CFAP99: variants seen among roughly 807,000 people sequenced by gnomAD.
CFAP99 encodes the protein cilia- and flagella-associated protein 99.
A neutral mutation model predicts 82.7 loss-of-function variants in CFAP99; 84 were observed. That is an observed-to-expected ratio of 1.02 (90% CI 0.85 to 1.22). The LOEUF (loss-of-function observed/expected upper bound fraction) is 1.22, where lower values mean the gene tolerates loss of function less well. CFAP99 is among the 50% of genes most tolerant of loss of function. CFAP99 has a pLI of 0.00. For missense variants in CFAP99, 1,059 were observed against 983.5 expected (o/e 1.08, Z -1.03); for synonymous variants, 456 against 429.5 (o/e 1.06, Z -0.76).
intron 11 of CFAP99, among the ~76,000 whole-genome samples, chr4:2,454,581 CTTTTTT>C (rs200727697): frequency 1.1e-5 from 1 of 94,722 alleles, no homozygotes; most frequent in African/African-American, 4.2e-5. Context: ...TGTTTTTTTT[CTTTTTT>C]TTTTTTGTTT....
At chr4:2,436,486 G>C (rs180932026) in intron 2 of CFAP99, among the ~76,000 whole-genome samples, 19 of 152,306 alleles carry the variant, frequency 1.2e-4, no homozygotes, top group African/African-American at 4.6e-4. Context: ...ATCTGCAGAA[G>C]CTTTTCATCC....
At chr4:2,422,088 A>G (rs546099730) in intron 1 of CFAP99, among the ~76,000 whole-genome samples, 13 of 152,350 alleles carry the variant, frequency 8.5e-5, no homozygotes, top group Admixed American at 5.2e-4. Flanking sequence ...GCATGAATGT[A>G]GCTGAGATGC....
chr4:2,451,497 G>A (rs2857933), intron 10 of CFAP99, 145 bp downstream of exon 10: 74,475 of 683,038 alleles, frequency 0.11, 4,568 homozygotes, highest in Middle Eastern at 0.2. Flanking sequence ...CAACAGGGGC[G>A]ACAAGCAGGA....
intron 5 of CFAP99, among the ~76,000 whole-genome samples, chr4:2,444,590 C>T (rs1734121745): frequency 1.3e-5 from 2 of 152,078 alleles, no homozygotes; most frequent in African/African-American, 4.8e-5. Flanking sequence ...ACTCGGGCGG[C>T]CTGGCAAGGC....
intron 12 of CFAP99, 42 bp from the exon 13 acceptor site, chr4:2,459,065 T>C: frequency 6.8e-7 from 1 of 1,476,696 alleles, no homozygotes; most frequent in Non-Finnish European, 9.0e-7. Flanking sequence ...GCCCCTGCCC[T>C]GCCACCCACC....
At chr4:2,452,599 C>T (rs890861887) in intron 11 of CFAP99, among the ~76,000 whole-genome samples, 4 of 152,168 alleles carry the variant, frequency 2.6e-5, no homozygotes, top group Admixed American at 6.5e-5. Context: ...CGGGGAGCCT[C>T]AGCCCCAGGA....
In CFAP99 at chr4:2,462,935, G is replaced by A. The variant is rs535339364; in HGVS notation, c.*9G>A. The A allele has an allele frequency of 7.8e-6, 10 of 1,277,314 alleles. No individual in the cohort carries two copies. The South Asian group carries it at 1.3e-4, about 16-fold the overall frequency. The allele number at this position is 1,277,314 out of a possible 1,614,324, so 79.1% of individuals were successfully genotyped here. ...GCCTGGAGGCCGCCTGAGCCGGGCC[G>A]AGCGCGCCCCACCCGCTTGCGGGCC... On this transcript the variant is annotated 3_prime_UTR_variant, in exon 15 of 15. Coordinates refer to ENST00000635017, the Ensembl canonical transcript of CFAP99. The surrounding 1 kb of genome is among the most constrained non-coding windows in gnomAD (Gnocchi z 4.1).
chr4:2,429,811 T>A (rs1341681226), intron 2 of CFAP99, among the ~76,000 whole-genome samples: 3 of 152,288 alleles, frequency 2.0e-5, no homozygotes, highest in African/African-American at 7.2e-5. Context: ...CAGAATGGTC[T>A]TGATCTCCTG....
intron 4 of CFAP99, 24 bp downstream of exon 4, chr4:2,438,188 C>G (rs1733960348): frequency 1.4e-6 from 2 of 1,426,190 alleles, no homozygotes; most frequent in South Asian, 2.4e-5. Flanking sequence ...ACCTGCCCAC[C>G]AGGCCACGAG....
Position 2,462,689 on chromosome 4 carries a change from C to T in CFAP99, c.1908C>T (p.Gly636=). The stretch of plus-strand genomic sequence containing the variant: ...GGCGGGCGCGGCGCGCAGGGACCGG[C>T]GTCCCGGGGCGGGGATGGCGGGGAG... Residue 636 remains glycine (G), a synonymous_variant, in exon 15 of 15, where the codon GGC becomes GGT. Transcript: ENST00000635017. This position sits in a 1 kb window ranked among gnomAD's most constrained non-coding sequence, Gnocchi z 4.1. 4.0e-6 allele frequency: 5 copies of T among 1,254,610 alleles called. No homozygotes were observed. Among genetic ancestry groups the T allele is most frequent in the Non-Finnish European group, 5.0e-6 (5 of 999,338 alleles). The allele number at this position is 1,254,610 out of a possible 1,614,324, so 77.7% of individuals were successfully genotyped here.
intron 1 of CFAP99, among the ~76,000 whole-genome samples, chr4:2,424,014 G>C (rs1317096313): frequency 6.6e-6 from 1 of 152,240 alleles, no homozygotes; most frequent in Non-Finnish European, 1.5e-5. Flanking sequence ...TCAGCACCAG[G>C]GCTTCAAGCC....
At chr4:2,429,623 A>C (rs1229603390) in intron 2 of CFAP99, among the ~76,000 whole-genome samples, 2 of 144,424 alleles carry the variant, frequency 1.4e-5, no homozygotes, top group South Asian at 2.2e-4. Flanking sequence ...ACAGAGTCTC[A>C]CTCTGTCACC....
At chr4:2,437,337 T>G (rs1301091235) in intron 3 of CFAP99, among the ~76,000 whole-genome samples, 1 of 152,146 alleles carries the variant, frequency 6.6e-6, no homozygotes, top group Non-Finnish European at 1.5e-5. Context: ...CCCGAGGCCT[T>G]TGGACAAGAT....
At chr4:2,459,283 C>G (rs773996028) in intron 13 of CFAP99, 25 bp downstream of exon 13, 119 of 1,510,018 alleles carry the variant, frequency 7.9e-5, no homozygotes, top group Admixed American at 2.3e-4. Context: ...CTGGACGGGC[C>G]CATGCCTCAG....
At chr4:2,436,078 C>G (rs1733901184) in intron 2 of CFAP99, among the ~76,000 whole-genome samples, 1 of 129,528 alleles carries the variant, frequency 7.7e-6, no homozygotes, top group African/African-American at 3.5e-5. Context: ...GTCTCAAAAA[C>G]TTCAAAAAAA....
intron 10 of CFAP99, among the ~76,000 whole-genome samples, chr4:2,451,869 T>C (rs547382316): frequency 1.4e-5 from 2 of 146,796 alleles, no homozygotes; most frequent in East Asian, 4.0e-4. Flanking sequence ...GGTTGGTGGA[T>C]GGACAGACAG....
intron 12 of CFAP99, 59 bp downstream of exon 12, chr4:2,458,923 C>A: frequency 6.7e-7 from 1 of 1,495,794 alleles, no homozygotes; most frequent in Non-Finnish European, 8.9e-7. Context: ...GGGTGCTGGG[C>A]TGCCACCCTT....
At position 2,452,121 on chromosome 4, in the gene CFAP99, C is replaced by T. The variant is rs764786279; in HGVS notation, c.957-21C>T. On this transcript the variant is annotated intron_variant, in intron 10 of 14. Transcript: ENST00000635017. ...GTCACGGGAGAAACCCCAAGCTGTG[C>T]TTCTGTCCCTCTTTGCCCAGGGTTG... 415 of 1,535,128 alleles carry T rather than the reference C, an allele frequency of 2.7e-4. 1 individual carries two copies. The highest frequency in any genetic ancestry group is 3.5e-4 in the Non-Finnish European group (399 of 1,146,144).
Position 2,449,816 on chromosome 4 carries a change from G to A in CFAP99, c.723+66G>A, listed in dbSNP as rs1734259579. 20 of 1,531,054 alleles carry A rather than the reference G, an allele frequency of 1.3e-5. No homozygotes were observed. In the South Asian group the frequency reaches 2.4e-4, roughly 18 times the overall value. 94.8% of individuals were successfully genotyped at this position (1,531,054 alleles called of 1,614,324 possible). A position where few individuals can be genotyped will look rare whatever the true frequency, so the allele number is the denominator to read the frequency against. On this transcript the variant is annotated intron_variant, in intron 7 of 14. Coordinates refer to ENST00000635017, the Ensembl canonical transcript of CFAP99. ...TGAGGGATGTGTGAAGGGAAGGTGGGGTGGGGAGAGGGAAGAGGAGGCAAG... is the reference window on the plus strand; with the variant it reads ...TGAGGGATGTGTGAAGGGAAGGTGGAGTGGGGAGAGGGAAGAGGAGGCAAG...
Sources: allele counts gnomAD v4.1 joint callset (sites outside exome capture counted in the v4.1 genomes callset), GRCh38; gene constraint gnomAD v4.1.1; non-coding constraint Gnocchi (gnomAD v3.1); transcripts MANE v1.5; gene names NCBI Gene and HGNC (gene_info 2026-07-23, HGNC 2026-07-21).